The following PRDM12 variants were observed in gnomAD, a reference collection of about 807,000 sequenced individuals.
The protein encoded by PRDM12 is PR domain zinc finger protein 12.
A neutral mutation model predicts 29.6 loss-of-function variants in PRDM12; 17 were observed. The ratio of observed to expected loss-of-function variants is 0.57; its 90% CI spans 0.39 to 0.86. The LOEUF is 0.86. Among genes scored for constraint, PRDM12 ranks in the 40% least tolerant of loss-of-function variants. The pLI is 0.00. For missense variants in PRDM12, 422 were observed against 510.8 expected, an observed-to-expected ratio of 0.83 and a Z score of 1.68; for synonymous variants, 231 against 225.8, an observed-to-expected ratio of 1.02 and a Z score of -0.21.
intron 2 of PRDM12, among the ~76,000 whole-genome samples, chr9:130,667,580 T>G (rs905157982): frequency 2.0e-5 from 3 of 151,948 alleles, no homozygotes; most frequent in Admixed American, 6.6e-5. Flanking sequence ...AACTGCGGGA[T>G]GGCCCAGAGG....
intron 3 of PRDM12, among the ~76,000 whole-genome samples, chr9:130,671,162 T>A (rs1027167454): frequency 6.6e-5 from 10 of 152,080 alleles, no homozygotes; most frequent in African/African-American, 2.4e-4. Context: ...CTGGCCAACA[T>A]GGTGAAACCC....
At chr9:130,678,383 A>G in intron 3 of PRDM12, 146 bp from the exon 4 acceptor site, 1 of 610,092 alleles carries the variant, frequency 1.6e-6, no homozygotes. Context: ...GCTTCCCGGG[A>G]CAGCTCAGTG....
At chr9:130,680,659 A>ATATATTTTT in intron 4 of PRDM12, among the ~76,000 whole-genome samples, 6 of 72,170 alleles carry the variant, frequency 8.3e-5, no homozygotes, top group East Asian at 6.4e-4. Flanking sequence ...ATATATATAT[A>ATATATTTTT]TTTTTTTTTT....
chr9:130,674,731 CATGTT>C (rs1195052768), intron 3 of PRDM12, among the ~76,000 whole-genome samples: 8 of 152,054 alleles, frequency 5.3e-5, no homozygotes, highest in Non-Finnish European at 1.0e-4. Flanking sequence ...CATTTCATAC[CATGTT>C]ATATGTTTAT....
chr9:130,680,564 T>G (rs146120774), intron 4 of PRDM12, among the ~76,000 whole-genome samples: 4,729 of 144,862 alleles, frequency 0.033, 287 homozygotes, highest in African/African-American at 0.12. Flanking sequence ...AGGCGAAGGC[T>G]GCAGTGAGCC....
rs1019569079 is a variant in PRDM12, at chr9:130,668,088, G to T, written c.415-70G>T. 6.5e-7 allele frequency: 1 copy of T among 1,545,290 alleles called. No homozygotes were observed. Among genetic ancestry groups the T allele is most frequent in the South Asian group, 1.1e-5 (1 of 87,234 alleles). On this transcript the variant is annotated intron_variant, in intron 2 of 4. Coordinates refer to ENST00000253008, the MANE Select transcript of PRDM12 (RefSeq NM_021619.3). The surrounding 1 kb of genome is among the most constrained non-coding windows in gnomAD (Gnocchi z 4.0). ...TTGTGAGGATGGAGAGTGTGTGTGT[G>T]GATGTGCCTGGAAGATGGTACACAT...
chr9:130,673,357 G>A (rs1424155165), intron 3 of PRDM12, among the ~76,000 whole-genome samples: 1 of 152,188 alleles, frequency 6.6e-6, no homozygotes, highest in African/African-American at 2.4e-5. Context: ...GTTGATGGCG[G>A]GTGCCTGGGA....
At position 130,669,555 on chromosome 9, in the gene PRDM12, C is replaced by T. The variant is rs1253316143; in HGVS notation, c.570+1242C>T. Among the ~76,000 whole-genome samples the T allele has an allele frequency of 5.6e-5, 8 of 143,360 alleles. No individual in the cohort carries two copies. The East Asian group carries it at 1.7e-3, about 31-fold the overall frequency. The allele number at this position is 143,360 out of a possible 152,430, so 94.0% of individuals were successfully genotyped here. On this transcript the variant is annotated intron_variant, in intron 3 of 4. Coordinates refer to ENST00000253008, the MANE Select transcript of PRDM12 (RefSeq NM_021619.3). Reference sequence around the variant, plus strand: ...AAAAGGCTTGGCACAGTGGCTCAAGCCTGTAATCCCAGCATTTTGGGAGGC... The same window carrying T: ...AAAAGGCTTGGCACAGTGGCTCAAGTCTGTAATCCCAGCATTTTGGGAGGC...
At chr9:130,676,471 G>C (rs1030708126) in intron 3 of PRDM12, among the ~76,000 whole-genome samples, 1 of 152,136 alleles carries the variant, frequency 6.6e-6, no homozygotes, top group Non-Finnish European at 1.5e-5. Context: ...ACTCCAGCCT[G>C]GGCGACAGCG....
In PRDM12 at chr9:130,664,692, C is replaced by A; in HGVS notation, c.39C>A (p.Leu13=). ...TGCTCCCGGCTGAGGCCCTGGTGCT[C>A]AAGACCGGGCTGAAGGCGCCGGGAC... The part of the protein sequence containing the change: ...GSVLPAEALV[L]KTGLKAPGLA... Residue 13 remains leucine, a synonymous_variant, in exon 1 of 5, where the codon CTC becomes CTA. Coordinates refer to ENST00000253008, the MANE Select transcript of PRDM12 (RefSeq NM_021619.3). This position sits in a 1 kb window ranked among gnomAD's most constrained non-coding sequence, Gnocchi z 6.4. 1 of 1,607,686 alleles carries A rather than the reference C, an allele frequency of 6.2e-7. No individual in the cohort carries two copies. Among genetic ancestry groups the A allele is most frequent in the East Asian group, 2.2e-5 (1 of 44,710 alleles).
At position 130,682,480 on chromosome 9, in the gene PRDM12, C is replaced by G. The variant is rs963202765; in HGVS notation, c.*811C>G. On this transcript the variant is annotated 3_prime_UTR_variant, in exon 5 of 5. Coordinates refer to ENST00000253008, the MANE Select transcript of PRDM12 (RefSeq NM_021619.3). The surrounding 1 kb of genome is among the most constrained non-coding windows in gnomAD (Gnocchi z 4.2). ...AGGAGTTGGACCAATGCCCCCTCCCCTTCAGCTGTGACATCGTGCCTGGGA... is the reference window on the plus strand; with the variant it reads ...AGGAGTTGGACCAATGCCCCCTCCCGTTCAGCTGTGACATCGTGCCTGGGA... The G allele has an allele frequency of 1.3e-5, 2 of 152,370 alleles. No individual in the cohort carries two copies. The highest frequency in any genetic ancestry group is 3.8e-4 in the East Asian group (2 of 5,200). 9.4% of individuals were successfully genotyped at this position (152,370 alleles called of 1,614,324 possible). A position where few individuals can be genotyped will look rare whatever the true frequency, so the allele number is the denominator to read the frequency against.
At chr9:130,669,522 C>CAA (rs1414521679) in intron 3 of PRDM12, among the ~76,000 whole-genome samples, 2 of 133,152 alleles carry the variant, frequency 1.5e-5, no homozygotes. Flanking sequence ...GACTCCATCT[C>CAA]AAAAAAAAAA....
In PRDM12 at chr9:130,678,620, A is replaced by G. The variant is rs1372626501; in HGVS notation, c.662A>G (p.Asp221Gly). The G allele has an allele frequency of 1.2e-6, 2 of 1,611,388 alleles. No individual in the cohort carries two copies. The highest frequency in any genetic ancestry group is 1.7e-6 in the Non-Finnish European group (2 of 1,178,008). ...CCAGGTGTGCCCGGGCTAGAGGAGG[A>G]CCAGAAAAAGAACAAGCATGGTAGG... ...GIPGVPGLEEDQKKNKHEDFH... is the reference protein window; with the variant it reads ...GIPGVPGLEEGQKKNKHEDFH... The change falls in exon 4 of 5, where the codon GAC becomes GGC. Residue 221 changes from aspartate (D) to glycine (G), a missense_variant. This residue lies in a region of PRDM12 where 300 missense variants were observed against 350.0 expected (regional missense o/e 0.86). Transcript: ENST00000253008.
rs769275888 is a variant in PRDM12 at position 130,664,618 on chromosome 9, G to A, written c.-36G>A. The A allele has an allele frequency of 5.4e-6, 5 of 932,728 alleles. No individual in the cohort carries two copies. In the African/African-American group the frequency reaches 5.4e-5, roughly 10 times the overall value. 57.8% of individuals were successfully genotyped at this position (932,728 alleles called of 1,614,324 possible). On this transcript the variant is annotated 5_prime_UTR_variant, in exon 1 of 5. Coordinates refer to ENST00000253008, the MANE Select transcript of PRDM12 (RefSeq NM_021619.3). This position sits in a 1 kb window ranked among gnomAD's most constrained non-coding sequence, Gnocchi z 6.4. ...GCCCGCCCACCTCCCCCGTCGGCCC[G>A]GCCGTCCCCCGGCGCCGGGGAGCTC...
intron 1 of PRDM12, 82 bp from the exon 2 acceptor site, chr9:130,666,523 CGAA>C: frequency 6.5e-7 from 1 of 1,537,298 alleles, no homozygotes; most frequent in East Asian, 2.4e-5. Context: ...TGGGCAGGAC[CGAA>C]GCCGGGGTCC....
At chr9:130,675,077 A>G (rs977478335) in intron 3 of PRDM12, among the ~76,000 whole-genome samples, 36 of 152,160 alleles carry the variant, frequency 2.4e-4, no homozygotes, top group African/African-American at 8.4e-4. Flanking sequence ...ACGGGGTTTC[A>G]CCATGTTGGC....
At chr9:130,679,794 G>A (rs976685628) in intron 4 of PRDM12, among the ~76,000 whole-genome samples, 22 of 152,000 alleles carry the variant, frequency 1.4e-4, no homozygotes, top group African/African-American at 5.1e-4. Flanking sequence ...CCAGGTAGCT[G>A]GGACCACAGT....
At chr9:130,674,883 TTTTA>T (rs2132599733) in intron 3 of PRDM12, among the ~76,000 whole-genome samples, 1 of 152,266 alleles carries the variant, frequency 6.6e-6, no homozygotes, top group South Asian at 2.1e-4. Context: ...AGAGTTCTTA[TTTTA>T]TTTATTTTTT....
rs761007052 is a variant in PRDM12, at chr9:130,664,743, C to T, written c.90C>T (p.Ser30=). 3 of 1,610,802 alleles carry T rather than the reference C, an allele frequency of 1.9e-6. No individual in the cohort carries two copies. The highest frequency in any genetic ancestry group is 2.5e-6 in the Non-Finnish European group (3 of 1,179,676). The change falls in exon 1 of 5, where the codon TCC becomes TCT. Residue 30 remains serine, a synonymous_variant. Transcript: ENST00000253008. This position sits in a 1 kb window ranked among gnomAD's most constrained non-coding sequence, Gnocchi z 6.4. ...TGGCGCTGGCCGAGGTTATCACCTC[C>T]GACATCCTGCACAGCTTCCTGTACG... ...PGLALAEVIT[S]DILHSFLYGR...
Sources: gnomAD v4.1 joint callset for allele counts (sites outside exome capture counted in the v4.1 genomes callset) on GRCh38, gnomAD v4.1.1 for gene constraint, gnomAD v4.1.1 regional missense constraint, Gnocchi (gnomAD v3.1) non-coding constraint, MANE v1.5 for transcripts, NCBI Gene and HGNC (gene_info 2026-07-23, HGNC 2026-07-21) for gene names.